Variants in LRRC37A3 observed in about 807,000 individuals in gnomAD.
LRRC37A3 encodes leucine-rich repeat-containing protein 37A3.
In LRRC37A3, 25 loss-of-function variants were observed where a neutral mutation model predicts 106.2. The observed-to-expected ratio is 0.24, with a 90% CI of 0.17 to 0.33. The LOEUF is 0.33. Among genes scored for constraint, LRRC37A3 ranks in the 10% least tolerant of loss-of-function variants. LRRC37A3 has a pLI of 1.00. For missense variants in LRRC37A3, 712 were observed against 1,644.9 expected (o/e 0.43, Z 9.81); for synonymous variants, 305 against 635.8 (o/e 0.48, Z 7.83).
At chr17:64,866,615 TATATATATATA>T (rs1446528163) in intron 10 of LRRC37A3, among the ~76,000 whole-genome samples, 4 of 24,010 alleles carry the variant, frequency 1.7e-4, no homozygotes, top group African/African-American at 4.1e-4. Flanking sequence ...TATATATATA[TATATATATATA>T]TATTTTTTTT....
intron 2 of LRRC37A3, among the ~76,000 whole-genome samples, chr17:64,911,230 C>A (rs1014540972): frequency 1.4e-5 from 2 of 146,050 alleles, no homozygotes; most frequent in Non-Finnish European, 3.0e-5. Context: ...CTCTGAAGTT[C>A]TAGTATTACC....
At chr17:64,917,016 C>T (rs964394514) in intron 2 of LRRC37A3, among the ~76,000 whole-genome samples, 2 of 151,050 alleles carry the variant, frequency 1.3e-5, no homozygotes, top group African/African-American at 4.9e-5. Flanking sequence ...GAGGCCGAGG[C>T]GGGCAGATCA....
chr17:64,859,929 G>C lies in LRRC37A3; in HGVS notation c.4217C>G (p.Thr1406Ser), dbSNP rs1386604180. 3 of 1,613,700 alleles carry C rather than the reference G, an allele frequency of 1.9e-6. No individual in the cohort carries two copies. The highest frequency in any genetic ancestry group is 2.5e-6 in the Non-Finnish European group (3 of 1,179,868). ...AFEENVFMEN[T>S]NMPEGTISEN... ...AGAGATGGTTCCTTCTGGCATGTTA[G>C]TGTTTTCCATAAAAACATTTTCTTC... Residue 1406 changes from threonine (T) to serine (S), a missense_variant, in exon 12 of 15, where the codon ACT becomes AGT. Physicochemically the swap from Thr to Ser is moderately conservative, Grantham distance 58. Transcript: ENST00000584306.
At chr17:64,872,035 G>A (rs1211212227) in intron 8 of LRRC37A3, among the ~76,000 whole-genome samples, 1 of 150,828 alleles carries the variant, frequency 6.6e-6, no homozygotes, top group Non-Finnish European at 1.5e-5. Flanking sequence ...GGGAGGCTGA[G>A]GCAGGAGAAT....
At position 64,858,840 on chromosome 17, in the gene LRRC37A3, A is replaced by G. The variant is rs949056009; in HGVS notation, c.4748T>C (p.Ile1583Thr). The stretch of plus-strand genomic sequence containing the variant: ...TATTCCAGTCACAATTAACGCCAAG[A>G]TGAGTTTTTTGGTATAGCCATATCC... ...LPGYGYTKKL[I>T]LALIVTGILT... The change falls in exon 13 of 15, where the codon ATC (isoleucine) becomes ACC (threonine). Residue 1583 changes from isoleucine (I) to threonine (T), a missense_variant. By Grantham distance (89) the Ile-to-Thr change is moderately conservative. Coordinates refer to ENST00000584306, the MANE Select transcript of LRRC37A3 (RefSeq NM_199340.5). The G allele has an allele frequency of 6.2e-7, 1 of 1,613,366 alleles. No individual in the cohort carries two copies. The highest frequency in any genetic ancestry group is 8.5e-7 in the Non-Finnish European group (1 of 1,179,574).
At chr17:64,901,189 A>G (rs1974299455) in intron 2 of LRRC37A3, 1 of 150,570 alleles carries the variant, frequency 6.6e-6, no homozygotes, top group Non-Finnish European at 1.5e-5. Context: ...TATGTATGAA[A>G]TATCAACTGT....
intron 11 of LRRC37A3, among the ~76,000 whole-genome samples, chr17:64,862,160 G>A (rs1279213522): frequency 6.6e-6 from 1 of 151,238 alleles, no homozygotes; most frequent in Non-Finnish European, 1.5e-5. Context: ...ATGTAACCAA[G>A]CATTATTAAT....
chr17:64,860,287 C>A lies in LRRC37A3; in HGVS notation c.3859G>T (p.Ala1287Ser), dbSNP rs781500667. 1.9e-6 allele frequency: 3 copies of A among 1,613,890 alleles called. No individual in the cohort carries two copies. The highest frequency in any genetic ancestry group is 1.1e-5 in the South Asian group (1 of 91,080). The change falls in exon 12 of 15, where the codon GCT becomes TCT. Residue 1287 changes from alanine (A) to serine (S), a missense_variant. Coordinates refer to ENST00000584306, the MANE Select transcript of LRRC37A3 (RefSeq NM_199340.5). ...GATGTCTTCATATTTGTAACTCTAGCCTTTGCACTTTCTAAAATGGAAATA... is the reference window on the plus strand; with the variant it reads ...GATGTCTTCATATTTGTAACTCTAGACTTTGCACTTTCTAAAATGGAAATA... ...HAISILESAK[A>S]RVTNMKTSKP...
intron 10 of LRRC37A3, among the ~76,000 whole-genome samples, chr17:64,865,212 T>G (rs1478375382): frequency 2.0e-5 from 3 of 152,202 alleles, no homozygotes; most frequent in East Asian, 3.8e-4. Context: ...GGTGCAATCT[T>G]GGCTCACTGC....
chr17:64,866,796 G>A (rs1973127094), intron 10 of LRRC37A3, among the ~76,000 whole-genome samples: 1 of 127,032 alleles, frequency 7.9e-6, no homozygotes, highest in Non-Finnish European at 1.6e-5. Flanking sequence ...ACACCTGGCT[G>A]ATTTTTATAT....
Position 64,918,880 on chromosome 17 carries a change from A to G in LRRC37A3, c.-616-10T>C, listed in dbSNP as rs1213410872. On this transcript the variant is annotated splice_polypyrimidine_tract_variant and intron_variant, in intron 1 of 14. Transcript: ENST00000584306. ...TGAAACTCCATCTCTACTAAAAAAT[A>G]CAAAAAATTAGCTGGGTGTGGCAGC... 1.9e-6 allele frequency: 1 copy of G among 531,822 alleles called. No individual in the cohort carries two copies. Among genetic ancestry groups the G allele is most frequent in the Non-Finnish European group, 2.9e-6 (1 of 344,458 alleles). The allele number at this position is 531,822 out of a possible 1,614,324, so 32.9% of individuals were successfully genotyped here.
intron 14 of LRRC37A3, 35 bp from the exon 15 acceptor site, chr17:64,854,679 C>T: frequency 1.9e-6 from 3 of 1,612,646 alleles, no homozygotes; most frequent in South Asian, 2.2e-5. Context: ...GGTTTTGATT[C>T]TTGAAAGGAG....
chr17:64,867,890 A>G (rs1287016520), intron 10 of LRRC37A3, among the ~76,000 whole-genome samples: 3 of 152,138 alleles, frequency 2.0e-5, no homozygotes, highest in Admixed American at 2.0e-4. Flanking sequence ...CCTGGCCAAC[A>G]TGGCGAAACC....
intron 14 of LRRC37A3, 91 bp downstream of exon 14, chr17:64,855,749 C>G: frequency 6.3e-7 from 1 of 1,587,746 alleles, no homozygotes; most frequent in Non-Finnish European, 8.6e-7. Context: ...TTGCCGTGAG[C>G]CGAGATCGCG....
intron 13 of LRRC37A3, among the ~76,000 whole-genome samples, chr17:64,858,379 C>T (rs540779013): frequency 7.2e-4 from 110 of 152,320 alleles, no homozygotes; most frequent in Non-Finnish European, 1.4e-3. Flanking sequence ...TCCTTCCTCT[C>T]CAGGGTGATG....
chr17:64,916,434 G>C (rs1299168071), intron 2 of LRRC37A3, among the ~76,000 whole-genome samples: 1 of 151,928 alleles, frequency 6.6e-6, no homozygotes, highest in African/African-American at 2.4e-5. Context: ...TAAAATAAAA[G>C]AAGAATAACA....
chr17:64,860,678 A>T lies in LRRC37A3; in HGVS notation c.3468T>A (p.Thr1156=), dbSNP rs373842991. The change falls in exon 12 of 15, where the codon ACT becomes ACA. Residue 1156 remains threonine, a synonymous_variant. Coordinates refer to ENST00000584306, the MANE Select transcript of LRRC37A3 (RefSeq NM_199340.5). ...TCAGTCTCTGCCGGTTTTTGCCTAC[A>T]GTTTGAATCTTTGCCAGGCTGTTTC... is the stretch of plus-strand genomic sequence containing the variant. ...TTGNSLAKIQ[T]VGKNRQRLNR... 4.3e-6 allele frequency: 7 copies of T among 1,613,826 alleles called. No homozygotes were observed. The highest frequency in any genetic ancestry group is 5.9e-6 in the Non-Finnish European group (7 of 1,179,864).
chr17:64,871,111 TC>T (rs1015553299), intron 8 of LRRC37A3, among the ~76,000 whole-genome samples: 69 of 151,622 alleles, frequency 4.6e-4, no homozygotes, highest in African/African-American at 1.6e-3. Flanking sequence ...TCTCAAGTGA[TC>T]CGCCTGCCTT....
At chr17:64,881,223 A>C (rs1973690760) in intron 8 of LRRC37A3, 3 of 698,380 alleles carry the variant, frequency 4.3e-6, no homozygotes, top group Non-Finnish European at 7.8e-6. Flanking sequence ...TGAAACAGTG[A>C]GCCTTTTTCT....
Sources: gnomAD v4.1 joint callset for allele counts (sites outside exome capture counted in the v4.1 genomes callset) on GRCh38, gnomAD v4.1.1 for gene constraint, MANE v1.5 for transcripts, NCBI Gene and HGNC (gene_info 2026-07-23, HGNC 2026-07-21) for gene names.